Variants in EHBP1 observed in about 807,000 individuals in gnomAD.
EHBP1 encodes the protein EH domain binding protein 1.
EHBP1 carries 55 observed loss-of-function variants against 144.0 expected under a neutral mutation model. The ratio of observed to expected loss-of-function variants is 0.38; its 90% CI spans 0.31 to 0.48. The LOEUF is 0.48. Among genes scored for constraint, EHBP1 ranks in the 20% least tolerant of loss-of-function variants. The pLI, the probability that EHBP1 is intolerant of heterozygous loss-of-function variation, is 0.98. For missense variants in EHBP1, 1,200 were observed against 1,364.2 expected (o/e 0.88, Z 1.90); for synonymous variants, 469 against 472.7 (o/e 0.99, Z 0.10).
At chr2:62,857,323 T>G (rs2049139058) in intron 7 of EHBP1, among the ~76,000 whole-genome samples, 2 of 152,320 alleles carry the variant, frequency 1.3e-5, no homozygotes, top group South Asian at 4.1e-4. Context: ...GATCGTAAAT[T>G]CCACAAGGAC....
intron 10 of EHBP1, among the ~76,000 whole-genome samples, chr2:62,926,100 A>G (rs539918788): frequency 1.3e-5 from 2 of 152,210 alleles, no homozygotes; most frequent in Admixed American, 6.5e-5. Flanking sequence ...ATTAATTCAC[A>G]TATCCACAGT....
intron 2 of EHBP1, among the ~76,000 whole-genome samples, chr2:62,733,421 A>G (rs899529231): frequency 2.0e-5 from 3 of 152,032 alleles, no homozygotes; most frequent in East Asian, 1.9e-4. Flanking sequence ...CCCTGTTATT[A>G]TATGGGAGCC....
chr2:62,767,833 CAAAA>C (rs1208266767), intron 4 of EHBP1, among the ~76,000 whole-genome samples: 1 of 76,416 alleles, frequency 1.3e-5, no homozygotes, highest in African/African-American at 6.2e-5. Flanking sequence ...AAGACTCTGT[CAAAA>C]AAAAAAAAAA....
intron 10 of EHBP1, among the ~76,000 whole-genome samples, chr2:62,934,728 A>G (rs973844213): frequency 1.3e-5 from 2 of 152,180 alleles, no homozygotes; most frequent in Non-Finnish European, 2.9e-5. Context: ...CACACTAAGC[A>G]TAGGGAAGCT....
At chr2:62,687,855 A>G (rs1036495234) in intron 1 of EHBP1, among the ~76,000 whole-genome samples, 2 of 152,170 alleles carry the variant, frequency 1.3e-5, no homozygotes, top group Non-Finnish European at 2.9e-5. Flanking sequence ...TGAAAGAAAG[A>G]TAGTAAGAGT....
intron 19 of EHBP1, among the ~76,000 whole-genome samples, chr2:63,035,426 C>T (rs553791774): frequency 5.1e-4 from 78 of 152,106 alleles, no homozygotes; most frequent in African/African-American, 1.8e-3. Flanking sequence ...AAGGGGATCT[C>T]TTATTCTTCA....
At chr2:62,782,057 C>G (rs1403401179) in intron 5 of EHBP1, among the ~76,000 whole-genome samples, 1 of 152,108 alleles carries the variant, frequency 6.6e-6, no homozygotes, top group East Asian at 1.9e-4. Flanking sequence ...GGCCTCAAAC[C>G]CATGTCTTCA....
intron 10 of EHBP1, among the ~76,000 whole-genome samples, chr2:62,905,940 A>G (rs1024002159): frequency 2.0e-5 from 3 of 152,168 alleles, no homozygotes; most frequent in Admixed American, 6.5e-5. Flanking sequence ...TACAGTGGTG[A>G]TAGTAGAGAT....
intron 8 of EHBP1, among the ~76,000 whole-genome samples, 157 bp downstream of exon 8, chr2:62,859,448 ATT>A (rs2049333808): frequency 6.6e-6 from 1 of 152,228 alleles, no homozygotes; most frequent in Non-Finnish European, 1.5e-5. Context: ...TTGATCAGCA[ATT>A]CTGGGTCACT....
intron 5 of EHBP1, among the ~76,000 whole-genome samples, chr2:62,803,234 C>CAA (rs35240136): frequency 2.5e-5 from 3 of 121,688 alleles, no homozygotes; most frequent in Non-Finnish European, 3.5e-5. Context: ...GACCCTGTCT[C>CAA]AAAAAAAAAA....
intron 5 of EHBP1, among the ~76,000 whole-genome samples, chr2:62,819,631 G>A (rs867706544): frequency 6.6e-6 from 1 of 151,804 alleles, no homozygotes; most frequent in East Asian, 1.9e-4. Context: ...AGGCATGGTG[G>A]TGCACACCTG....
At chr2:62,893,430 C>T (rs1184469624) in intron 10 of EHBP1, among the ~76,000 whole-genome samples, 1 of 152,080 alleles carries the variant, frequency 6.6e-6, no homozygotes, top group African/African-American at 2.4e-5. Flanking sequence ...TTAGTAACAC[C>T]AGTCAGGTGG....
chr2:62,943,082 T>G (rs932135572), intron 11 of EHBP1, among the ~76,000 whole-genome samples, 186 bp downstream of exon 11: 2 of 152,152 alleles, frequency 1.3e-5, no homozygotes, highest in Non-Finnish European at 2.9e-5. Context: ...TCTTTTCTCT[T>G]TTTAAAAGTG....
chr2:62,867,237 T>C (rs146754614), intron 9 of EHBP1, among the ~76,000 whole-genome samples: 32 of 152,254 alleles, frequency 2.1e-4, no homozygotes, highest in African/African-American at 7.2e-4. Context: ...GTGTAAAGGC[T>C]GAGTAGCAGA....
intron 2 of EHBP1, among the ~76,000 whole-genome samples, chr2:62,733,655 A>G (rs2037828779): frequency 1.3e-5 from 2 of 152,200 alleles, no homozygotes; most frequent in Non-Finnish European, 2.9e-5. Context: ...AGGCCTTATT[A>G]AGAGGCTTGG....
chr2:63,028,728 A>G (rs1012642538), intron 19 of EHBP1, among the ~76,000 whole-genome samples: 2 of 152,154 alleles, frequency 1.3e-5, no homozygotes, highest in African/African-American at 2.4e-5. Context: ...TTTAAAAATT[A>G]TATATATTTA....
intron 1 of EHBP1, among the ~76,000 whole-genome samples, chr2:62,674,288 C>A (rs1048593616): frequency 1.1e-4 from 17 of 152,072 alleles, no homozygotes; most frequent in African/African-American, 3.1e-4. Flanking sequence ...TAGCACGTAA[C>A]TAGAGTTTAC....
At chr2:62,790,798 T>G (rs1377215262) in intron 5 of EHBP1, among the ~76,000 whole-genome samples, 1 of 152,082 alleles carries the variant, frequency 6.6e-6, no homozygotes, top group African/African-American at 2.4e-5. Flanking sequence ...GATGTTAGTG[T>G]TTATACCATT....
chr2:63,038,985 C>T (rs948139668), intron 21 of EHBP1, among the ~76,000 whole-genome samples, 169 bp downstream of exon 21: 3 of 152,026 alleles, frequency 2.0e-5, no homozygotes, highest in African/African-American at 7.2e-5. Context: ...CTTAAGGACC[C>T]TAATTCAGAT....
Sources: gnomAD v4.1 joint callset for allele counts (sites outside exome capture counted in the v4.1 genomes callset) on GRCh38, gnomAD v4.1.1 for gene constraint, MANE v1.5 for transcripts, NCBI Gene and HGNC (gene_info 2026-07-23, HGNC 2026-07-21) for gene names.